Variants in CDK13 observed in about 807,000 individuals in gnomAD.
CDK13 encodes the protein cyclin-dependent kinase 13.
In CDK13, 40 loss-of-function variants were observed where a neutral mutation model predicts 137.6. That is an observed-to-expected ratio of 0.29 (90% confidence interval 0.23 to 0.38). The LOEUF (loss-of-function observed/expected upper bound fraction) is 0.38. CDK13 is among the 10% of genes least tolerant of loss of function. The pLI is 1.00. For missense variants in CDK13, 1,704 were observed against 1,951.8 expected (o/e 0.87, Z 2.39); for synonymous variants, 869 against 760.1 (o/e 1.14, Z -2.36).
At chr7:40,089,743 T>A (rs1165716596) in intron 12 of CDK13, among the ~76,000 whole-genome samples, 13 of 141,342 alleles carry the variant, frequency 9.2e-5, no homozygotes, top group Admixed American at 4.4e-4. Context: ...TGTGTGTGTG[T>A]GTGTGTGTGT....
chr7:40,070,399 T>TGTG (rs1786389838), intron 9 of CDK13: 1 of 47,152 alleles, frequency 2.1e-5, no homozygotes, highest in African/African-American at 8.5e-5. Flanking sequence ...ACAGCAAGAC[T>TGTG]CCATCCCAAA....
At chr7:40,027,839 G>A (rs1220721786) in intron 5 of CDK13, among the ~76,000 whole-genome samples, 1 of 151,940 alleles carries the variant, frequency 6.6e-6, no homozygotes. Context: ...CCTCTTACCT[G>A]TGCAGTGTGA....
At chr7:40,009,474 A>G (rs1784853984) in intron 5 of CDK13, among the ~76,000 whole-genome samples, 2 of 152,246 alleles carry the variant, frequency 1.3e-5, no homozygotes, top group Non-Finnish European at 2.9e-5. Context: ...GTTAGGAATG[A>G]AGAATTGAGG....
chr7:40,066,730 A>G (rs1386545695), intron 9 of CDK13: 1 of 152,176 alleles, frequency 6.6e-6, no homozygotes, highest in Non-Finnish European at 1.5e-5. Flanking sequence ...ATCCTTGATG[A>G]TGTGTTATGG....
intron 2 of CDK13, among the ~76,000 whole-genome samples, chr7:39,992,175 T>TGC (rs1784475307): frequency 3.9e-4 from 42 of 107,788 alleles, no homozygotes; most frequent in South Asian, 1.4e-3. Flanking sequence ...TGTGTGTGTG[T>TGC]GTGTGTGTGT....
chr7:40,077,073 T>A (rs565600494), intron 9 of CDK13, among the ~76,000 whole-genome samples: 131 of 152,316 alleles, frequency 8.6e-4, no homozygotes, highest in African/African-American at 3.1e-3. Context: ...GATTTACTAG[T>A]TAATGCTAAA....
intron 1 of CDK13, among the ~76,000 whole-genome samples, chr7:39,969,083 A>C (rs1372063707): frequency 6.6e-6 from 1 of 151,952 alleles, no homozygotes; most frequent in South Asian, 2.1e-4. Context: ...GATCTCAGCT[A>C]ACTGCAACCT....
At chr7:40,027,961 T>C (rs1162354225) in intron 5 of CDK13, among the ~76,000 whole-genome samples, 1 of 151,970 alleles carries the variant, frequency 6.6e-6, no homozygotes, top group Non-Finnish European at 1.5e-5. Flanking sequence ...GCTCTGTTTT[T>C]TCCATAATTA....
chr7:40,086,778 T>G (rs1009310247), intron 11 of CDK13, among the ~76,000 whole-genome samples: 3 of 152,022 alleles, frequency 2.0e-5, no homozygotes, highest in Non-Finnish European at 4.4e-5. Flanking sequence ...TACTGTTAAG[T>G]TCTTCACAAA....
At chr7:39,977,123 A>G (rs1475123482) in intron 1 of CDK13, among the ~76,000 whole-genome samples, 2 of 152,182 alleles carry the variant, frequency 1.3e-5, no homozygotes, top group African/African-American at 4.8e-5. Flanking sequence ...GAAGTCCTTT[A>G]TGCTAGTCCT....
chr7:40,080,969 C>T (rs988188947), intron 11 of CDK13, among the ~76,000 whole-genome samples: 2 of 148,144 alleles, frequency 1.4e-5, no homozygotes, highest in Non-Finnish European at 3.0e-5. Context: ...TTCAGATTTC[C>T]CCAGTTGACC....
intron 2 of CDK13, among the ~76,000 whole-genome samples, chr7:39,989,953 T>G (rs1784424181): frequency 6.6e-6 from 1 of 152,086 alleles, no homozygotes; most frequent in Non-Finnish European, 1.5e-5. Context: ...CGGCTAATTT[T>G]TTGTATTTTT....
intron 5 of CDK13, among the ~76,000 whole-genome samples, chr7:40,021,122 TACAC>T (rs1304409836): frequency 9.2e-5 from 10 of 108,522 alleles, no homozygotes; most frequent in African/African-American, 2.7e-4. Context: ...TATATATATA[TACAC>T]ACACACACAC....
At chr7:39,975,317 A>G (rs1250327059) in intron 1 of CDK13, among the ~76,000 whole-genome samples, 1 of 152,112 alleles carries the variant, frequency 6.6e-6, no homozygotes, top group Non-Finnish European at 1.5e-5. Flanking sequence ...GGGCTGAGGC[A>G]GGAGAATCGC....
chr7:40,003,210 T>A (rs62456096), intron 5 of CDK13, among the ~76,000 whole-genome samples: 7,365 of 73,394 alleles, frequency 0.1, 148 homozygotes, highest in East Asian at 0.14. Flanking sequence ...ACACACACTC[T>A]CTCTCTCTCT....
intron 1 of CDK13, among the ~76,000 whole-genome samples, chr7:39,983,772 G>A (rs560862624): frequency 1.3e-5 from 2 of 152,202 alleles, no homozygotes; most frequent in South Asian, 4.2e-4. Context: ...GAAGGGAGAG[G>A]AAATTAAAAA....
chr7:40,094,510 A>G lies in CDK13; in HGVS notation c.4069A>G (p.Ser1357Gly), dbSNP rs148312712. 512 of 1,613,262 alleles carry G rather than the reference A, an allele frequency of 3.2e-4. 2 individuals are homozygous for G. The highest frequency in any genetic ancestry group is 1.3e-4 in the Non-Finnish European group (159 of 1,179,788). ...APYVSNDGLG[S>G]SSAPPLERRS... ...TTATGTTAGCAATGATGGTCTAGGA[A>G]GCAGTTCTGCTCCACCACTAGAACG... Residue 1357 changes from serine (S) to glycine (G), a missense_variant, in exon 14 of 14, where the codon AGC becomes GGC. Ser to Gly is a moderately conservative substitution (Grantham distance 56, BLOSUM62 0). Transcript: ENST00000181839.
chr7:40,094,752 G>A lies in CDK13; in HGVS notation c.4311G>A (p.Leu1437=). Residue 1437 remains leucine, a synonymous_variant, in exon 14 of 14, where the codon CTG becomes CTA. Coordinates refer to ENST00000181839, the MANE Select transcript of CDK13 (RefSeq NM_003718.5). The stretch of plus-strand genomic sequence containing the variant: ...ATAGCCATGGTCCTATTGCAGTCCT[G>A]GCAAACAGCAGTGACCCTTCCACGG... ...FEYSHGPIAV[L]ANSSDPSTGP... is the part of the protein sequence containing the mutation. 1 of 1,613,776 alleles carries A rather than the reference G, an allele frequency of 6.2e-7. No homozygotes were observed. Among genetic ancestry groups the A allele is most frequent in the Non-Finnish European group, 8.5e-7 (1 of 1,179,820 alleles).
chr7:40,021,150 C>CACACACAT (rs1562733223), intron 5 of CDK13, among the ~76,000 whole-genome samples: 5 of 150,442 alleles, frequency 3.3e-5, no homozygotes, highest in South Asian at 2.1e-4. Flanking sequence ...CACACACACA[C>CACACACAT]ATAAAGTTTT....
Sources: allele counts gnomAD v4.1 joint callset (sites outside exome capture counted in the v4.1 genomes callset), GRCh38; gene constraint gnomAD v4.1.1; transcripts MANE v1.5; gene names NCBI Gene and HGNC (gene_info 2026-07-23, HGNC 2026-07-21).